Variants in C12orf42 observed in about 807,000 individuals in gnomAD.
C12orf42 encodes the protein uncharacterized protein C12orf42.
A neutral mutation model predicts 21.6 loss-of-function variants in C12orf42; 25 were observed. The ratio of observed to expected loss-of-function variants is 1.16; its 90% CI spans 0.84 to 1.62. The LOEUF (loss-of-function observed/expected upper bound fraction) is 1.62, where lower values mean the gene tolerates loss of function less well. Ranked by LOEUF, C12orf42 falls within the 40% of genes most tolerant of loss-of-function variation. The pLI is 0.00. For synonymous variants in C12orf42, 174 were observed against 175.0 expected, an observed-to-expected ratio of 0.99 and a Z score of 0.05; for missense variants, 483 against 459.3, an observed-to-expected ratio of 1.05 and a Z score of -0.47.
intron 2 of C12orf42, among the ~76,000 whole-genome samples, chr12:103,452,891 G>A (rs113737279): frequency 5.3e-5 from 8 of 151,976 alleles, no homozygotes; most frequent in East Asian, 3.9e-4. Flanking sequence ...TGGGGGGAGC[G>A]GGGAGGGATA....
chr12:103,505,773 T>C, the C12orf42 span, among the ~76,000 whole-genome samples: 2 of 152,124 alleles, frequency 1.3e-5, no homozygotes, highest in East Asian at 3.9e-4. Context: ...CACGTGATGG[T>C]GGGAAATGAC....
chr12:103,184,149 G>T, the C12orf42 span, among the ~76,000 whole-genome samples: 4 of 152,256 alleles, frequency 2.6e-5, no homozygotes, highest in South Asian at 8.3e-4. Context: ...GACACTGTGT[G>T]TTGACATCCT....
At chr12:103,085,407 C>T in the C12orf42 span, among the ~76,000 whole-genome samples, 1 of 152,124 alleles carries the variant, frequency 6.6e-6, no homozygotes, top group East Asian at 1.9e-4. Flanking sequence ...CAAATATGAG[C>T]TCATTCAAAT....
chr12:103,151,080 A>G, the C12orf42 span, among the ~76,000 whole-genome samples: 3 of 152,154 alleles, frequency 2.0e-5, no homozygotes, highest in Admixed American at 2.0e-4. Flanking sequence ...GGTGCACGCC[A>G]CCACGACTGA....
At chr12:103,089,538 C>T in the C12orf42 span, among the ~76,000 whole-genome samples, 14 of 112,246 alleles carry the variant, frequency 1.2e-4, no homozygotes, top group East Asian at 5.6e-3. Context: ...GAGAATTAGA[C>T]CTAACAATAT....
chr12:103,096,459 T>G, the C12orf42 span, among the ~76,000 whole-genome samples: 3 of 152,090 alleles, frequency 2.0e-5, no homozygotes, highest in Non-Finnish European at 2.9e-5. Flanking sequence ...TGTGAAAAAA[T>G]TTTTGAGTCC....
At chr12:103,138,491 C>G in the C12orf42 span, among the ~76,000 whole-genome samples, 1 of 152,260 alleles carries the variant, frequency 6.6e-6, no homozygotes. Context: ...TTGAGGCCTC[C>G]TAGCCATGTT....
the C12orf42 span, among the ~76,000 whole-genome samples, chr12:103,066,112 A>G: frequency 1.3e-5 from 2 of 152,190 alleles, no homozygotes; most frequent in East Asian, 1.9e-4. Flanking sequence ...TCTTCTGCAG[A>G]TAACTACTTT....
At chr12:103,487,580 G>T (rs930875342) in intron 1 of C12orf42, among the ~76,000 whole-genome samples, 3 of 152,294 alleles carry the variant, frequency 2.0e-5, no homozygotes, top group Admixed American at 2.0e-4. Context: ...TTATTATGGT[G>T]TGGGAGTCTA....
At chr12:103,240,617 C>A (rs764926723) in intron 10 of C12orf42, among the ~76,000 whole-genome samples, 1 of 152,088 alleles carries the variant, frequency 6.6e-6, no homozygotes, top group African/African-American at 2.4e-5. Context: ...ATGCCAGAAC[C>A]GCTGTTTCCA....
upstream of C12orf42, among the ~76,000 whole-genome samples, chr12:103,496,819 A>G (rs1185336212): frequency 5.3e-4 from 77 of 144,768 alleles, no homozygotes; most frequent in African/African-American, 2.1e-3. Flanking sequence ...CCGGGAAAAA[A>G]AAAAAAAAAG....
intron 2 of C12orf42, among the ~76,000 whole-genome samples, chr12:103,409,858 T>A (rs1299550051): frequency 1.3e-5 from 2 of 152,222 alleles, no homozygotes; most frequent in Non-Finnish European, 2.9e-5. Flanking sequence ...AACAATCTTA[T>A]ATTGAGCACA....
chr12:103,063,263 C>T, the C12orf42 span, among the ~76,000 whole-genome samples: 2 of 152,118 alleles, frequency 1.3e-5, no homozygotes, highest in African/African-American at 4.8e-5. Flanking sequence ...TTAGTAAGAA[C>T]CTTATCCCCT....
chr12:103,196,262 G>T, the C12orf42 span, among the ~76,000 whole-genome samples: 11 of 152,120 alleles, frequency 7.2e-5, no homozygotes, highest in African/African-American at 1.2e-4. Context: ...TCTTGCTGTT[G>T]ATTTCTATTT....
At chr12:103,126,160 T>C in the C12orf42 span, among the ~76,000 whole-genome samples, 1 of 152,040 alleles carries the variant, frequency 6.6e-6, no homozygotes, top group Non-Finnish European at 1.5e-5. Context: ...AAGGAAGAAA[T>C]CTAGGCAATG....
the C12orf42 span, among the ~76,000 whole-genome samples, chr12:103,140,678 T>C: frequency 6.6e-6 from 1 of 152,174 alleles, no homozygotes; most frequent in Non-Finnish European, 1.5e-5. Context: ...AGAGATGATA[T>C]GCTTTGATTG....
At chr12:103,293,101 C>T (rs1412305237) in intron 4 of C12orf42, among the ~76,000 whole-genome samples, 2 of 150,078 alleles carry the variant, frequency 1.3e-5, no homozygotes, top group African/African-American at 2.4e-5. Flanking sequence ...TAAAGAGATG[C>T]CTTTTTTGAC....
At chr12:103,397,320 T>C (rs1372883122) in intron 3 of C12orf42, among the ~76,000 whole-genome samples, 1 of 152,208 alleles carries the variant, frequency 6.6e-6, no homozygotes, top group Non-Finnish European at 1.5e-5. Context: ...AACAGTCCTC[T>C]ATGTCAGGGG....
At chr12:103,058,295 T>A in the C12orf42 span, among the ~76,000 whole-genome samples, 1 of 152,160 alleles carries the variant, frequency 6.6e-6, no homozygotes, top group Non-Finnish European at 1.5e-5. Flanking sequence ...ATAAATGTCT[T>A]CCTTTGCCCA....
Sources: allele counts gnomAD v4.1 joint callset (sites outside exome capture counted in the v4.1 genomes callset), GRCh38; gene constraint gnomAD v4.1.1; transcripts MANE v1.5; gene names NCBI Gene and HGNC (gene_info 2026-07-23, HGNC 2026-07-21).